Variants in HTR2B observed in about 807,000 individuals in gnomAD.
The protein encoded by HTR2B is 5-hydroxytryptamine receptor 2B.
A neutral mutation model predicts 39.8 loss-of-function variants in HTR2B; 31 were observed. That is an observed-to-expected ratio of 0.78 (90% CI 0.58 to 1.05). HTR2B has a LOEUF of 1.05. Among genes scored for constraint, HTR2B ranks in the 50% least tolerant of loss-of-function variants. The pLI is 0.00. For synonymous variants in HTR2B, 210 were observed against 207.1 expected, an observed-to-expected ratio of 1.01 and a Z score of -0.12; for missense variants, 562 against 578.0, an observed-to-expected ratio of 0.97 and a Z score of 0.28.
intron 2 of HTR2B, among the ~76,000 whole-genome samples, chr2:231,115,663 T>C (rs1695305224): frequency 2.6e-5 from 4 of 152,140 alleles, no homozygotes; most frequent in African/African-American, 9.7e-5. Context: ...GAGATTACCA[T>C]TGATCTTGCA....
chr2:231,113,666 T>G, intron 3 of HTR2B, 63 bp downstream of exon 3: 1 of 1,428,060 alleles, frequency 7.0e-7, no homozygotes, highest in Non-Finnish European at 9.9e-7. Flanking sequence ...GACCTGGTAT[T>G]CTCCTAGCCA....
At position 231,108,547 on chromosome 2, in the gene HTR2B, G is replaced by A; in HGVS notation, c.1416C>T (p.Asp472=). 6.2e-7 allele frequency: 1 copy of A among 1,613,740 alleles called. No homozygotes were observed. Among genetic ancestry groups the A allele is most frequent in the Non-Finnish European group, 8.5e-7 (1 of 1,179,890 alleles). ...CATAACTAACTTGCTCTTCAGTTTT[G>A]TCACCTTCATTTTCAGTGAGGAGAA... ...DTLLLTENEG[D]KTEEQVSYV The change falls in exon 4 of 4, where the codon GAC becomes GAT. Residue 472 remains aspartate (D), a synonymous_variant. Transcript: ENST00000258400.
At chr2:231,119,896 T>C (rs1574748282) in intron 2 of HTR2B, among the ~76,000 whole-genome samples, 1 of 144,764 alleles carries the variant, frequency 6.9e-6, no homozygotes, top group African/African-American at 2.5e-5. Flanking sequence ...AAAAAACTTA[T>C]AAATAAACCA....
rs778520272 is a variant in HTR2B at position 231,108,835 on chromosome 2, A to G, written c.1128T>C (p.Asn376=). ...VWIGYVSSGV[N]PLVYTLFNKT... ...TATTGAAGAGGGTGTAGACCAAAGGATTCACTCCTGAGGAAACATAGCCTA... is the reference window on the plus strand; with the variant it reads ...TATTGAAGAGGGTGTAGACCAAAGGGTTCACTCCTGAGGAAACATAGCCTA... Residue 376 remains asparagine (N), a synonymous_variant, in exon 4 of 4, where the codon AAT becomes AAC. Coordinates refer to ENST00000258400, the MANE Select transcript of HTR2B (RefSeq NM_000867.5). 1 of 1,614,114 alleles carries G rather than the reference A, an allele frequency of 6.2e-7. No individual in the cohort carries two copies. The highest frequency in any genetic ancestry group is 8.5e-7 in the Non-Finnish European group (1 of 1,180,008).
intron 2 of HTR2B, among the ~76,000 whole-genome samples, chr2:231,116,628 G>T (rs1239874943): frequency 6.6e-6 from 1 of 150,838 alleles, no homozygotes; most frequent in Non-Finnish European, 1.5e-5. Flanking sequence ...ACTCCTAATT[G>T]TGGGCTAAGA....
Position 231,119,857 on chromosome 2 carries a change from G to A in HTR2B, c.352+3556C>T, listed in dbSNP as rs182888066. On this transcript the variant is annotated intron_variant, in intron 2 of 3. Transcript: ENST00000258400. ...TGCCCTGCAGTCTGGGCAACAGAAC[G>A]AGACTCCGTCTCAAAAAAAAAAAAA... Among the ~76,000 whole-genome samples, 957 of 109,148 alleles carry A rather than the reference G, an allele frequency of 8.8e-3. 19 individuals are homozygous for A. The highest frequency in any genetic ancestry group is 0.038 in the African/African-American group (912 of 24,260). The allele number at this position is 109,148 out of a possible 152,430, so 71.6% of individuals were successfully genotyped here. A position where few individuals can be genotyped will look rare whatever the true frequency, so the allele number is the denominator to read the frequency against.
At chr2:231,112,478 A>G (rs762449036) in intron 3 of HTR2B, among the ~76,000 whole-genome samples, 28 of 152,346 alleles carry the variant, frequency 1.8e-4, no homozygotes, top group Non-Finnish European at 3.1e-4. Context: ...AAAGAGATCA[A>G]GCCCTTATAT....
chr2:231,110,071 C>T (rs1695102251), intron 3 of HTR2B, among the ~76,000 whole-genome samples: 1 of 152,188 alleles, frequency 6.6e-6, no homozygotes, highest in Non-Finnish European at 1.5e-5. Context: ...GTAATTCCAG[C>T]ACTTTGGGAG....
At chr2:231,122,927 A>G (rs1228427576) in intron 2 of HTR2B, among the ~76,000 whole-genome samples, 1 of 152,146 alleles carries the variant, frequency 6.6e-6, no homozygotes, top group Non-Finnish European at 1.5e-5. Flanking sequence ...AACTATTAAG[A>G]GCTATAATAA....
chr2:231,113,569 G>C (rs994046407), intron 3 of HTR2B, among the ~76,000 whole-genome samples, 160 bp downstream of exon 3: 1 of 152,194 alleles, frequency 6.6e-6, no homozygotes, highest in South Asian at 2.1e-4. Flanking sequence ...TTTAGAAGGC[G>C]TATGATAAAT....
rs1358226415 is a variant in HTR2B, at chr2:231,124,055, T to G, written c.-291A>C. On this transcript the variant is annotated 5_prime_UTR_variant, in exon 2 of 4. Coordinates refer to ENST00000258400, the MANE Select transcript of HTR2B (RefSeq NM_000867.5). ...GTGAAAAAAATAGGATATATATATATTTTTAGTTTCTCTCTCTCTCTTTTT... is the reference window on the plus strand; with the variant it reads ...GTGAAAAAAATAGGATATATATATAGTTTTAGTTTCTCTCTCTCTCTTTTT... The G allele has an allele frequency of 2.1e-5, 7 of 327,178 alleles. No individual in the cohort carries two copies. The highest frequency in any genetic ancestry group is 4.0e-5 in the Non-Finnish European group (7 of 173,402). 20.3% of individuals were successfully genotyped at this position (327,178 alleles called of 1,614,324 possible). A position where few individuals can be genotyped will look rare whatever the true frequency, so the allele number is the denominator to read the frequency against.
chr2:231,114,305 G>A (rs1380578241), intron 2 of HTR2B, among the ~76,000 whole-genome samples: 1 of 152,092 alleles, frequency 6.6e-6, no homozygotes, highest in Non-Finnish European at 1.5e-5. Flanking sequence ...TTAAGTAGCT[G>A]TTGTATAAAA....
At chr2:231,113,547 C>A (rs1350019333) in intron 3 of HTR2B, among the ~76,000 whole-genome samples, 182 bp downstream of exon 3, 1 of 152,184 alleles carries the variant, frequency 6.6e-6, no homozygotes. Flanking sequence ...ACACTTTTTA[C>A]CAACAGTATG....
At chr2:231,112,137 C>T (rs537252045) in intron 3 of HTR2B, among the ~76,000 whole-genome samples, 1 of 152,262 alleles carries the variant, frequency 6.6e-6, no homozygotes, top group Non-Finnish European at 1.5e-5. Context: ...GTCCAACTCT[C>T]CCACCCCACC....
chr2:231,117,513 A>G (rs1299650208), intron 2 of HTR2B, among the ~76,000 whole-genome samples: 1 of 152,190 alleles, frequency 6.6e-6, no homozygotes, highest in Non-Finnish European at 1.5e-5. Context: ...ACTGAATATT[A>G]AAGCAACAAA....
chr2:231,119,190 T>C (rs1695446287), intron 2 of HTR2B, among the ~76,000 whole-genome samples: 1 of 152,348 alleles, frequency 6.6e-6, no homozygotes, highest in Non-Finnish European at 1.5e-5. Context: ...AATTCATTGC[T>C]TTTCTCCTCC....
intron 3 of HTR2B, among the ~76,000 whole-genome samples, chr2:231,110,409 GT>G (rs1695118205): frequency 2.0e-5 from 3 of 152,166 alleles, no homozygotes; most frequent in African/African-American, 7.2e-5. Flanking sequence ...TAAATATGAT[GT>G]TTCTTAGTGA....
chr2:231,119,089 T>A (rs1381138885), intron 2 of HTR2B, among the ~76,000 whole-genome samples: 1 of 152,210 alleles, frequency 6.6e-6, no homozygotes, highest in Non-Finnish European at 1.5e-5. Context: ...GTGTCTAATA[T>A]GATAGTGTTT....
chr2:231,111,098 A>C (rs1210441765), intron 3 of HTR2B, among the ~76,000 whole-genome samples: 2 of 152,158 alleles, frequency 1.3e-5, no homozygotes, highest in Non-Finnish European at 2.9e-5. Flanking sequence ...TACCTGCTAT[A>C]GTCTTCTCTC....
Sources: gnomAD v4.1 joint callset for allele counts (sites outside exome capture counted in the v4.1 genomes callset) on GRCh38, gnomAD v4.1.1 for gene constraint, MANE v1.5 for transcripts, NCBI Gene and HGNC (gene_info 2026-07-23, HGNC 2026-07-21) for gene names.